Variants in UGT1A7 observed in about 807,000 individuals in gnomAD.
UGT1A7 encodes UDP glucuronosyltransferase family 1 member A7.
A neutral mutation model predicts 45.6 loss-of-function variants in UGT1A7; 33 were observed. The observed-to-expected ratio is 0.72, with a 90% CI of 0.55 to 0.97. The LOEUF is 0.97. Ranked by LOEUF, UGT1A7 falls within the 50% of genes least tolerant of loss-of-function variation. The probability of loss-of-function intolerance (pLI) is 0.00; values close to 1 mark genes in which losing one functional copy is unlikely to be tolerated. For missense variants in UGT1A7, 684 were observed against 666.2 expected, an observed-to-expected ratio of 1.03 and a Z score of -0.29; for synonymous variants, 274 against 250.6, an observed-to-expected ratio of 1.09 and a Z score of -0.88.
chr2:233,734,315 C>T (rs1041289451), intron 1 of UGT1A7, among the ~76,000 whole-genome samples: 4 of 151,932 alleles, frequency 2.6e-5, no homozygotes, highest in African/African-American at 4.8e-5. Flanking sequence ...TTTGTGTAGA[C>T]GTATTTATAG....
chr2:233,691,173 G>T, intron 1 of UGT1A7: 2 of 985,646 alleles, frequency 2.0e-6, no homozygotes, highest in Non-Finnish European at 2.4e-6. Flanking sequence ...CCTAATGTCT[G>T]CCTGCTCAAG....
At chr2:233,728,783 A>T (rs1324632843) in intron 1 of UGT1A7, among the ~76,000 whole-genome samples, 1 of 152,246 alleles carries the variant, frequency 6.6e-6, no homozygotes, top group Admixed American at 6.5e-5. Context: ...CCTGATAAAC[A>T]TGGTTAACAG....
At chr2:233,713,872 C>T in intron 1 of UGT1A7, 1 of 1,613,754 alleles carries the variant, frequency 6.2e-7, no homozygotes, top group Non-Finnish European at 8.5e-7. Context: ...TGTATTGGTG[C>T]CTTTATCCAA....
chr2:233,765,938 G>C (rs1244987830), intron 1 of UGT1A7, among the ~76,000 whole-genome samples: 1 of 152,062 alleles, frequency 6.6e-6, no homozygotes, highest in Non-Finnish European at 1.5e-5. Context: ...AGGTTGTGGG[G>C]CTCTGACCTC....
rs373069908 is a variant in UGT1A7, at chr2:233,718,914, T to G, written c.855+36122T>G. On this transcript the variant is annotated intron_variant, in intron 1 of 4. Coordinates refer to ENST00000373426, the MANE Select transcript of UGT1A7 (RefSeq NM_019077.3). Reference sequence around the variant, plus strand: ...GCCCTGGGCTGAGAGTGGAAAGGTGTTGGTGGTGCCCACTGATGGCAGCCC... The same window carrying G: ...GCCCTGGGCTGAGAGTGGAAAGGTGGTGGTGGTGCCCACTGATGGCAGCCC... 6.2e-6 allele frequency: 10 copies of G among 1,614,066 alleles called. No homozygotes were observed. In the East Asian group the frequency reaches 1.8e-4, roughly 29 times the overall value.
At chr2:233,693,217 A>G (rs1044652784) in intron 1 of UGT1A7, 20 of 1,614,092 alleles carry the variant, frequency 1.2e-5, no homozygotes, top group Non-Finnish European at 1.6e-5. Flanking sequence ...AAGAATCCAA[A>G]TACTACACAA....
intron 1 of UGT1A7, chr2:233,753,549 G>A (rs917906556): frequency 6.6e-6 from 1 of 152,150 alleles, no homozygotes; most frequent in Admixed American, 6.5e-5. Flanking sequence ...TTCCTCAGAG[G>A]TGACCCTAGA....
intron 1 of UGT1A7, chr2:233,713,159 C>T (rs2076285726): frequency 1.9e-6 from 3 of 1,614,192 alleles, no homozygotes; most frequent in Middle Eastern, 1.7e-4. Flanking sequence ...CGAGAGGCCA[C>T]CAGGTGGTGG....
At chr2:233,724,302 T>G (rs1575551867) in intron 1 of UGT1A7, among the ~76,000 whole-genome samples, 1 of 123,338 alleles carries the variant, frequency 8.1e-6, no homozygotes, top group African/African-American at 3.2e-5. Context: ...CCCCCCCACC[T>G]CCCTCCCGGA....
chr2:233,772,680 C>G lies in UGT1A7; in HGVS notation c.*121C>G. 6.5e-7 allele frequency: 1 copy of G among 1,530,096 alleles called. No individual in the cohort carries two copies. The highest frequency in any genetic ancestry group is 8.8e-7 in the Non-Finnish European group (1 of 1,141,550). 94.8% of individuals were successfully genotyped at this position (1,530,096 alleles called of 1,614,324 possible). Reference sequence around the variant, plus strand: ...AAGGAAATACTTTGCATAAATTAATCAGCCCCAGAGTGCTTTAAAAAATTC... The same window carrying G: ...AAGGAAATACTTTGCATAAATTAATGAGCCCCAGAGTGCTTTAAAAAATTC... On this transcript the variant is annotated 3_prime_UTR_variant, in exon 5 of 5. Transcript: ENST00000373426.
At chr2:233,732,349 T>A (rs1331822531) in intron 1 of UGT1A7, among the ~76,000 whole-genome samples, 1 of 152,014 alleles carries the variant, frequency 6.6e-6, no homozygotes, top group Non-Finnish European at 1.5e-5. Flanking sequence ...GGTGTTTTAG[T>A]CATGAAGTCC....
At chr2:233,705,744 G>A (rs1015744026) in intron 1 of UGT1A7, among the ~76,000 whole-genome samples, 2 of 152,208 alleles carry the variant, frequency 1.3e-5, no homozygotes, top group East Asian at 1.9e-4. Flanking sequence ...CAGGTAGGTC[G>A]GTAACAGATC....
At chr2:233,710,916 A>G (rs1261394935) in intron 1 of UGT1A7, among the ~76,000 whole-genome samples, 1 of 152,218 alleles carries the variant, frequency 6.6e-6, no homozygotes, top group Non-Finnish European at 1.5e-5. Flanking sequence ...AGGTCTTTAG[A>G]CCACTTAGTC....
chr2:233,733,547 C>T (rs1401564261), intron 1 of UGT1A7, among the ~76,000 whole-genome samples: 1 of 152,178 alleles, frequency 6.6e-6, no homozygotes, highest in African/African-American at 2.4e-5. Context: ...AAGGCCTTTT[C>T]TGCATCTGTT....
At chr2:233,701,614 C>T (rs1194546253) in intron 1 of UGT1A7, among the ~76,000 whole-genome samples, 9 of 152,078 alleles carry the variant, frequency 5.9e-5, no homozygotes, top group East Asian at 1.9e-4. Flanking sequence ...CCTCAGCAAA[C>T]GTAAAAGAAC....
chr2:233,738,464 T>C (rs1182388871), intron 1 of UGT1A7, among the ~76,000 whole-genome samples: 1 of 152,210 alleles, frequency 6.6e-6, no homozygotes, highest in Non-Finnish European at 1.5e-5. Flanking sequence ...GTGGGAAAGT[T>C]TGGAACTTCC....
intron 1 of UGT1A7, chr2:233,760,357 G>A (rs1697415689): frequency 6.2e-7 from 1 of 1,613,982 alleles, no homozygotes; most frequent in African/African-American, 1.3e-5. Flanking sequence ...GGGCCCAGTG[G>A]TGTCCCATGC....
intron 1 of UGT1A7, among the ~76,000 whole-genome samples, chr2:233,686,641 T>A (rs1181481627): frequency 6.6e-6 from 1 of 152,126 alleles, no homozygotes; most frequent in African/African-American, 2.4e-5. Flanking sequence ...TAATGTGATA[T>A]CAAACATGAT....
chr2:233,767,747 C>CTG lies in UGT1A7; in HGVS notation c.988-100_988-99dup, dbSNP rs35331289. ...ACTGATCCTCCCACTCTGTTAAAGA[C>CTG]TGTTCCTTCAGAGGACCCCTGTTTT... is the stretch of plus-strand genomic sequence containing the variant. On this transcript the variant is annotated intron_variant, in intron 2 of 4. Coordinates refer to ENST00000373426, the MANE Select transcript of UGT1A7 (RefSeq NM_019077.3). 3.9e-3 allele frequency: 6,206 copies of CTG among 1,591,080 alleles called. 210 individuals are homozygous for CTG. In the African/African-American group the frequency reaches 0.073, roughly 19 times the overall value.
Sources: gnomAD v4.1 joint callset for allele counts (sites outside exome capture counted in the v4.1 genomes callset) on GRCh38, gnomAD v4.1.1 for gene constraint, MANE v1.5 for transcripts, NCBI Gene and HGNC (gene_info 2026-07-23, HGNC 2026-07-21) for gene names.